The following UBAC2 variants were observed in gnomAD, a reference collection of about 807,000 sequenced individuals.
UBAC2 encodes ubiquitin-associated domain-containing protein 2.
Under a neutral mutation model 44.0 loss-of-function variants are expected in UBAC2, and 26 were observed. The ratio of observed to expected loss-of-function variants is 0.59; its 90% CI spans 0.43 to 0.82. The LOEUF (loss-of-function observed/expected upper bound fraction) is 0.82. Among genes scored for constraint, UBAC2 ranks in the 40% least tolerant of loss-of-function variants. The pLI, the probability that UBAC2 is intolerant of heterozygous loss-of-function variation, is 0.00. For missense variants in UBAC2, 329 were observed against 419.4 expected, an observed-to-expected ratio of 0.78 and a Z score of 1.88; for synonymous variants, 155 against 154.3, an observed-to-expected ratio of 1.00 and a Z score of -0.04.
chr13:99,279,509 A>G (rs1298653432), intron 4 of UBAC2, among the ~76,000 whole-genome samples: 3 of 152,210 alleles, frequency 2.0e-5, no homozygotes, highest in African/African-American at 4.8e-5. Flanking sequence ...AGTAAATAAG[A>G]TGTAACAAAT....
chr13:99,277,659 A>G (rs2043901551), intron 4 of UBAC2, among the ~76,000 whole-genome samples: 1 of 152,244 alleles, frequency 6.6e-6, no homozygotes, highest in South Asian at 2.1e-4. Flanking sequence ...CAGACATTTT[A>G]TTAAGGCCAT....
chr13:99,244,669 C>G (rs1375881892), intron 4 of UBAC2, 45 bp downstream of exon 4: 3 of 1,167,020 alleles, frequency 2.6e-6, no homozygotes, highest in Non-Finnish European at 3.8e-6. Flanking sequence ...CTACTTGAAT[C>G]TGATTTAAAG....
chr13:99,356,698 T>G (rs1594165530), intron 7 of UBAC2, among the ~76,000 whole-genome samples: 1 of 152,236 alleles, frequency 6.6e-6, no homozygotes, highest in East Asian at 1.9e-4. Flanking sequence ...ACTGTTTTTA[T>G]AGCACGACAC....
intron 4 of UBAC2, chr13:99,255,386 G>A (rs772222254): frequency 6.2e-7 from 1 of 1,613,954 alleles, no homozygotes; most frequent in African/African-American, 1.3e-5. Context: ...TCTTTATCTG[G>A]GTCTTTATAG....
Position 99,308,577 on chromosome 13 carries a change from T to C in UBAC2, c.390-5520T>C, listed in dbSNP as rs181969920. On this transcript the variant is annotated intron_variant, in intron 4 of 8. Coordinates refer to ENST00000403766, the MANE Select transcript of UBAC2 (RefSeq NM_001144072.2). ...AACTTGATGATTTTGAGGGATGATG[T>C]AAACAGAATTGAATCATTTGGTAGG... The C allele has an allele frequency of 1.8e-4, 28 of 152,328 alleles. No homozygotes were observed. The East Asian group carries it at 5.2e-3, about 28-fold the overall frequency. The allele number at this position is 152,328 out of a possible 1,614,324, so 9.4% of individuals were successfully genotyped here.
intron 7 of UBAC2, among the ~76,000 whole-genome samples, chr13:99,343,307 C>T (rs2044921652): frequency 6.6e-6 from 1 of 152,204 alleles, no homozygotes; most frequent in Non-Finnish European, 1.5e-5. Flanking sequence ...CGCCCTCGCT[C>T]CAGGATTCTA....
chr13:99,205,545 TG>T (rs1210045241), intron 1 of UBAC2, among the ~76,000 whole-genome samples: 1 of 152,220 alleles, frequency 6.6e-6, no homozygotes, highest in Non-Finnish European at 1.5e-5. Flanking sequence ...TGTTATTTTT[TG>T]TTTTAAGAAA....
intron 6 of UBAC2, among the ~76,000 whole-genome samples, chr13:99,335,998 GAA>G (rs71959491): frequency 2.3e-5 from 3 of 132,240 alleles, no homozygotes; most frequent in Non-Finnish European, 1.6e-5. Flanking sequence ...CCACAAAATG[GAA>G]AAAAAAAAAA....
At chr13:99,234,200 T>G (rs993682023) in intron 1 of UBAC2, among the ~76,000 whole-genome samples, 4 of 94,658 alleles carry the variant, frequency 4.2e-5, no homozygotes, top group East Asian at 6.1e-4. Flanking sequence ...TTTTTTTTTT[T>G]GAGATGGAGT....
At chr13:99,204,219 A>G (rs1566444653) in intron 1 of UBAC2, among the ~76,000 whole-genome samples, 1 of 152,210 alleles carries the variant, frequency 6.6e-6, no homozygotes, top group Non-Finnish European at 1.5e-5. Context: ...TTTTTAAAAA[A>G]GAACGTTTGT....
intron 4 of UBAC2, among the ~76,000 whole-genome samples, chr13:99,291,911 A>G (rs9557192): frequency 0.17 from 25,559 of 152,212 alleles, 2,412 homozygotes; most frequent in Middle Eastern, 0.23. Flanking sequence ...TTCTATGGCA[A>G]TGCTGTATAT....
rs7335185 is a variant in UBAC2, at chr13:99,359,742, A to G, written c.808-8045A>G. Among the ~76,000 whole-genome samples the G allele has an allele frequency of 5.5e-3, 837 of 152,342 alleles. 6 individuals are homozygous for G. Among genetic ancestry groups the G allele is most frequent in the African/African-American group, 0.016 (657 of 41,576 alleles). The stretch of plus-strand genomic sequence containing the variant: ...AAAACATTTGAAAGCCTTGGTCCAT[A>G]GCACACTGAGTAAGTCCTTGTGTGG... On this transcript the variant is annotated intron_variant, in intron 7 of 8. Coordinates refer to ENST00000403766, the MANE Select transcript of UBAC2 (RefSeq NM_001144072.2).
At chr13:99,331,975 C>T (rs1454929318) in intron 6 of UBAC2, among the ~76,000 whole-genome samples, 2 of 151,790 alleles carry the variant, frequency 1.3e-5, no homozygotes, top group Non-Finnish European at 2.9e-5. Context: ...GCCTTGAGGG[C>T]ACATGAAGTC....
intron 4 of UBAC2, among the ~76,000 whole-genome samples, chr13:99,300,731 C>T (rs747017010): frequency 2.0e-4 from 31 of 152,242 alleles, no homozygotes; most frequent in Non-Finnish European, 3.8e-4. Flanking sequence ...GAATATATAG[C>T]GTTGAACATG....
chr13:99,238,056 A>G (rs1344979576), intron 1 of UBAC2, among the ~76,000 whole-genome samples: 1 of 152,260 alleles, frequency 6.6e-6, no homozygotes, highest in Admixed American at 6.5e-5. Context: ...ATTTTTATAT[A>G]TGTATGAGTT....
intron 7 of UBAC2, among the ~76,000 whole-genome samples, chr13:99,363,983 AATG>A (rs767271623): frequency 6.6e-6 from 1 of 152,066 alleles, no homozygotes; most frequent in Non-Finnish European, 1.5e-5. Flanking sequence ...TACATTCTCT[AATG>A]ATTTCAATAG....
intron 4 of UBAC2, among the ~76,000 whole-genome samples, chr13:99,311,750 G>A (rs780059041): frequency 6.6e-6 from 1 of 152,154 alleles, no homozygotes. Flanking sequence ...TTATTTTGTG[G>A]CCCTAAATGT....
At chr13:99,238,595 G>GTTTT in intron 2 of UBAC2, 41 bp downstream of exon 2, 4 of 1,265,352 alleles carry the variant, frequency 3.2e-6, no homozygotes, top group Admixed American at 2.6e-5. Flanking sequence ...AGAGCGGACA[G>GTTTT]TTTTTTTTTT....
intron 4 of UBAC2, chr13:99,255,220 C>T: frequency 6.2e-7 from 1 of 1,614,072 alleles, no homozygotes; most frequent in Non-Finnish European, 8.5e-7. Context: ...CTTAGACGTC[C>T]TGCCGTGAAG....
Sources: allele counts gnomAD v4.1 joint callset (sites outside exome capture counted in the v4.1 genomes callset), GRCh38; gene constraint gnomAD v4.1.1; transcripts MANE v1.5; gene names NCBI Gene and HGNC (gene_info 2026-07-23, HGNC 2026-07-21).